The following TNPO3 variants were observed in gnomAD, a reference collection of about 807,000 sequenced individuals.
The protein encoded by TNPO3 is transportin 3.
TNPO3 carries 65 observed loss-of-function variants against 122.8 expected under a neutral mutation model. That is an observed-to-expected ratio of 0.53 (90% CI 0.43 to 0.65). The LOEUF (loss-of-function observed/expected upper bound fraction) is 0.65. Among genes scored for constraint, TNPO3 ranks in the 30% least tolerant of loss-of-function variants. The pLI, the probability that TNPO3 is intolerant of heterozygous loss-of-function variation, is 0.00. For synonymous variants in TNPO3, 372 were observed against 411.2 expected (o/e 0.90, Z 1.15); for missense variants, 850 against 1,136.7 (o/e 0.75, Z 3.63).
chr7:128,961,722 A>G (rs147322726), intron 21 of TNPO3, among the ~76,000 whole-genome samples: 1 of 152,286 alleles, frequency 6.6e-6, no homozygotes, highest in Non-Finnish European at 1.5e-5. Context: ...CTCGAGCCCC[A>G]TAAGATTACT....
chr7:129,032,390 T>C (rs1015080726), intron 1 of TNPO3, among the ~76,000 whole-genome samples: 4 of 152,142 alleles, frequency 2.6e-5, no homozygotes, highest in Non-Finnish European at 4.4e-5. Context: ...GACATCTAAA[T>C]TGAAAGGAAG....
At chr7:129,013,431 T>C (rs1054249987) in intron 4 of TNPO3, among the ~76,000 whole-genome samples, 1 of 86,590 alleles carries the variant, frequency 1.2e-5, no homozygotes, top group Non-Finnish European at 2.6e-5. Flanking sequence ...ACCCAAATAA[T>C]AGCAAAAAAA....
chr7:129,035,950 CTTTTT>C (rs71162551), intron 1 of TNPO3, among the ~76,000 whole-genome samples: 18 of 119,930 alleles, frequency 1.5e-4, no homozygotes, highest in African/African-American at 5.0e-4. Flanking sequence ...CTTTTCTTTT[CTTTTT>C]TTTTTTTTTT....
intron 21 of TNPO3, 40 bp from the exon 22 acceptor site, chr7:128,957,355 AAGAC>A: frequency 6.2e-7 from 1 of 1,605,624 alleles, no homozygotes; most frequent in Non-Finnish European, 8.5e-7. Flanking sequence ...ACTGAGGAGA[AAGAC>A]AGAATATGCT....
At chr7:129,039,018 T>C (rs1807043869) in intron 1 of TNPO3, among the ~76,000 whole-genome samples, 1 of 152,062 alleles carries the variant, frequency 6.6e-6, no homozygotes, top group Admixed American at 6.6e-5. Context: ...TAGACATTTC[T>C]CCAAAGATAC....
chr7:129,040,884 G>A (rs1807298515), intron 1 of TNPO3, among the ~76,000 whole-genome samples: 1 of 152,094 alleles, frequency 6.6e-6, no homozygotes, highest in Non-Finnish European at 1.5e-5. Flanking sequence ...TTCAAATACT[G>A]TATTAGTTTT....
intron 1 of TNPO3, among the ~76,000 whole-genome samples, chr7:129,035,942 TTTC>T (rs1806599163): frequency 1.9e-5 from 2 of 102,650 alleles, no homozygotes; most frequent in South Asian, 7.0e-4. Flanking sequence ...TGTTTTTTCT[TTTC>T]TTTTCTTTTT....
chr7:128,969,317 T>C (rs1278955203), intron 20 of TNPO3, among the ~76,000 whole-genome samples: 1 of 152,128 alleles, frequency 6.6e-6, no homozygotes, highest in Non-Finnish European at 1.5e-5. Flanking sequence ...ACAAATATGC[T>C]ACTCTATCAG....
chr7:128,983,776 C>G (rs1799879032), intron 13 of TNPO3, among the ~76,000 whole-genome samples: 1 of 151,392 alleles, frequency 6.6e-6, no homozygotes, highest in South Asian at 2.1e-4. Context: ...GTATACCTTC[C>G]ATATTTTGAT....
chr7:129,027,662 C>T (rs1236175626), intron 1 of TNPO3, among the ~76,000 whole-genome samples: 1 of 149,016 alleles, frequency 6.7e-6, no homozygotes, highest in Non-Finnish European at 1.5e-5. Flanking sequence ...AAATATGAGG[C>T]CACAGTTCCC....
intron 1 of TNPO3, chr7:129,028,952 G>C: frequency 2.3e-6 from 1 of 443,572 alleles, no homozygotes; most frequent in Non-Finnish European, 4.5e-6. Flanking sequence ...AGGTTTTACT[G>C]CCAAGGACAT....
chr7:129,056,116 C>G (rs1809431552), upstream of TNPO3: 1 of 1,077,020 alleles, frequency 9.3e-7, no homozygotes, highest in Non-Finnish European at 1.4e-6. Flanking sequence ...AACGCGGCCA[C>G]TGTGCCTGCC....
chr7:128,997,829 GA>G (rs1391444708), intron 7 of TNPO3, among the ~76,000 whole-genome samples: 1 of 151,894 alleles, frequency 6.6e-6, no homozygotes, highest in African/African-American at 2.4e-5. Context: ...AACAGACATG[GA>G]AGTCTTTATT....
intron 1 of TNPO3, among the ~76,000 whole-genome samples, chr7:129,033,598 G>C (rs1806204426): frequency 6.6e-6 from 1 of 152,106 alleles, no homozygotes; most frequent in Admixed American, 6.6e-5. Context: ...CCCAGTTCTG[G>C]CTATATATCT....
intron 1 of TNPO3, among the ~76,000 whole-genome samples, chr7:129,044,861 T>C (rs953818536): frequency 2.0e-5 from 3 of 152,206 alleles, no homozygotes; most frequent in Non-Finnish European, 2.9e-5. Flanking sequence ...CTAGGTATAC[T>C]GTATATCTAA....
At chr7:128,978,960 C>G in intron 16 of TNPO3, 23 bp downstream of exon 16, 1 of 1,609,314 alleles carries the variant, frequency 6.2e-7, no homozygotes. Flanking sequence ...TGGAACACGT[C>G]CCCCCGCAAC....
intron 4 of TNPO3, among the ~76,000 whole-genome samples, chr7:129,013,903 T>A (rs186776263): frequency 6.6e-6 from 1 of 151,768 alleles, no homozygotes; most frequent in Non-Finnish European, 1.5e-5. Flanking sequence ...CACTGCTATG[T>A]TGGAGTGAAA....
At chr7:129,015,349 C>T (rs756473109) in intron 3 of TNPO3, among the ~76,000 whole-genome samples, 2 of 146,386 alleles carry the variant, frequency 1.4e-5, no homozygotes, top group South Asian at 2.2e-4. Context: ...TTATAATGAA[C>T]ATGATATCTA....
intron 13 of TNPO3, 116 bp from the exon 14 acceptor site, chr7:128,982,440 T>A: frequency 2.5e-6 from 2 of 797,658 alleles, no homozygotes; most frequent in Non-Finnish European, 3.9e-6. Context: ...TATAAAGTCC[T>A]AAAAGTATAT....
Sources: allele counts gnomAD v4.1 joint callset (sites outside exome capture counted in the v4.1 genomes callset), GRCh38; gene constraint gnomAD v4.1.1; transcripts MANE v1.5; gene names NCBI Gene and HGNC (gene_info 2026-07-23, HGNC 2026-07-21).